The following MROH1 variants were observed in gnomAD, a reference collection of about 807,000 sequenced individuals.
The protein encoded by MROH1 is maestro heat-like repeat-containing protein family member 1.
In MROH1, 117 loss-of-function variants were observed where a neutral mutation model predicts 116.5. The ratio of observed to expected loss-of-function variants is 1.00; its 90% confidence interval spans 0.86 to 1.17. The LOEUF (loss-of-function observed/expected upper bound fraction) is 1.17. Ranked by LOEUF, MROH1 falls within the 50% of genes most tolerant of loss-of-function variation. The pLI is 0.00. For synonymous variants in MROH1, 921 were observed against 583.9 expected (o/e 1.58, Z -8.32); for missense variants, 1,873 against 1,338.5 (o/e 1.40, Z -6.23).
At chr8:144,148,547 C>T (rs1343731050) in intron 1 of MROH1, 1 of 152,634 alleles carries the variant, frequency 6.6e-6, no homozygotes, top group South Asian at 2.1e-4. Context: ...AAGCATACGC[C>T]CGGAGCCTGC....
intron 4 of MROH1, among the ~76,000 whole-genome samples, chr8:144,176,534 C>G (rs1170194977): frequency 4.8e-5 from 1 of 20,716 alleles, no homozygotes; most frequent in Admixed American, 6.8e-4. Flanking sequence ...GACCCTGACT[C>G]AGAAAAAAAA....
chr8:144,207,797 G>C (rs1833172737), intron 12 of MROH1, among the ~76,000 whole-genome samples: 1 of 152,060 alleles, frequency 6.6e-6, no homozygotes, highest in South Asian at 2.1e-4. Flanking sequence ...AGAAACCTTT[G>C]CCTGCTCAGA....
chr8:144,256,925 G>A (rs1054985987), intron 35 of MROH1, among the ~76,000 whole-genome samples: 8 of 152,370 alleles, frequency 5.3e-5, no homozygotes, highest in Admixed American at 6.5e-5. Flanking sequence ...CTCGAGGCCT[G>A]GAGCAGGGTG....
chr8:144,239,960 G>A, intron 18 of MROH1, 141 bp from the exon 19 acceptor site: 1 of 705,368 alleles, frequency 1.4e-6, no homozygotes, highest in Non-Finnish European at 2.6e-6. Context: ...CTCCCGCTGG[G>A]TGCTTCCTGG....
intron 10 of MROH1, among the ~76,000 whole-genome samples, chr8:144,194,797 A>C (rs572993049): frequency 8.5e-5 from 13 of 152,186 alleles, no homozygotes; most frequent in African/African-American, 3.1e-4. Context: ...AATCCCAGCT[A>C]TTCAGGAGGC....
At chr8:144,227,221 T>G (rs998388911) in intron 14 of MROH1, among the ~76,000 whole-genome samples, 2 of 152,240 alleles carry the variant, frequency 1.3e-5, no homozygotes, top group Non-Finnish European at 1.5e-5. Context: ...GGTTAGCTTT[T>G]TTTGTTTTCT....
intron 12 of MROH1, among the ~76,000 whole-genome samples, chr8:144,212,360 C>T (rs1300061670): frequency 6.6e-6 from 1 of 152,052 alleles, no homozygotes; most frequent in African/African-American, 2.4e-5. Context: ...ACTGGCATTA[C>T]AGGTATGAGT....
chr8:144,203,625 G>C (rs1454047645), intron 12 of MROH1, among the ~76,000 whole-genome samples: 1 of 152,122 alleles, frequency 6.6e-6, no homozygotes, highest in African/African-American at 2.4e-5. Context: ...CTTCCACACA[G>C]AGGGGCTGCT....
At chr8:144,221,456 G>A (rs2132394651) in intron 13 of MROH1, among the ~76,000 whole-genome samples, 1 of 152,112 alleles carries the variant, frequency 6.6e-6, no homozygotes, top group African/African-American at 2.4e-5. Flanking sequence ...GGTTACCCAG[G>A]GGCTGCTGTC....
chr8:144,202,093 C>A (rs1471084114), intron 12 of MROH1, among the ~76,000 whole-genome samples: 1 of 152,052 alleles, frequency 6.6e-6, no homozygotes, highest in East Asian at 1.9e-4. Context: ...GCGAAAGTCA[C>A]CAGGTTAAGA....
At chr8:144,244,607 C>T (rs1270156653) in intron 28 of MROH1, 68 bp downstream of exon 28, 1 of 715,804 alleles carries the variant, frequency 1.4e-6, no homozygotes. Flanking sequence ...TGGCTGCTGG[C>T]CCTCTCTCCA....
chr8:144,177,442 T>A (rs922952703), intron 4 of MROH1, among the ~76,000 whole-genome samples: 4 of 152,208 alleles, frequency 2.6e-5, no homozygotes, highest in Non-Finnish European at 4.4e-5. Context: ...TTCCTACTAT[T>A]GTTTCTCCTC....
chr8:144,186,120 A>ATTT (rs35879853), intron 7 of MROH1, among the ~76,000 whole-genome samples: 16 of 137,198 alleles, frequency 1.2e-4, no homozygotes, highest in East Asian at 4.4e-4. Context: ...ACAGTTTCCA[A>ATTT]TTTTTTTTTT....
chr8:144,220,976 G>A (rs552427110), intron 13 of MROH1, among the ~76,000 whole-genome samples: 1 of 152,306 alleles, frequency 6.6e-6, no homozygotes, highest in African/African-American at 2.4e-5. Flanking sequence ...GTGCTGCTCT[G>A]CTCGCGGTGA....
chr8:144,249,219 C>T (rs1842428428), intron 32 of MROH1, among the ~76,000 whole-genome samples, 190 bp downstream of exon 32: 2 of 152,240 alleles, frequency 1.3e-5, no homozygotes, highest in Admixed American at 6.5e-5. Flanking sequence ...ACTGCTCTGC[C>T]CCCTCTCCCT....
At chr8:144,198,047 CAAAAA>C (rs11366876) in intron 10 of MROH1, among the ~76,000 whole-genome samples, 5 of 116,820 alleles carry the variant, frequency 4.3e-5, no homozygotes, top group Admixed American at 2.7e-4. Flanking sequence ...AAAACTGTTT[CAAAAA>C]AAAAAAAAAA....
chr8:144,151,458 C>T (rs1816773116), intron 1 of MROH1, among the ~76,000 whole-genome samples: 1 of 152,040 alleles, frequency 6.6e-6, no homozygotes, highest in Non-Finnish European at 1.5e-5. Flanking sequence ...CCAGGGCAGT[C>T]GGAGGAGAGC....
chr8:144,179,745 TG>T (rs111756606), intron 5 of MROH1, among the ~76,000 whole-genome samples, 159 bp downstream of exon 5: 1 of 152,046 alleles, frequency 6.6e-6, no homozygotes. Context: ...CCTGCAGGGG[TG>T]GGGGGTGGTC....
At chr8:144,198,991 C>A in intron 10 of MROH1, 131 bp from the exon 11 acceptor site, 1 of 786,452 alleles carries the variant, frequency 1.3e-6, no homozygotes, top group Non-Finnish European at 2.1e-6. Flanking sequence ...GGAGCGCCCG[C>A]TGCATGCTGT....
Sources: allele counts gnomAD v4.1 joint callset (sites outside exome capture counted in the v4.1 genomes callset), GRCh38; gene constraint gnomAD v4.1.1; transcripts MANE v1.5; gene names NCBI Gene and HGNC (gene_info 2026-07-23, HGNC 2026-07-21).